UBQLN1: variants seen among roughly 807,000 people sequenced by gnomAD.
UBQLN1 encodes ubiquilin 1, also known as ubiquilin-1.
UBQLN1 carries 13 observed loss-of-function variants against 65.4 expected under a neutral mutation model. The observed-to-expected ratio is 0.20, with a 90% CI of 0.13 to 0.32. The LOEUF (loss-of-function observed/expected upper bound fraction) is 0.32, where lower values mean the gene tolerates loss of function less well. Among genes scored for constraint, UBQLN1 ranks in the 10% least tolerant of loss-of-function variants. The pLI is 1.00. For synonymous variants in UBQLN1, 267 were observed against 247.8 expected, an observed-to-expected ratio of 1.08 and a Z score of -0.73; for missense variants, 561 against 724.0, an observed-to-expected ratio of 0.77 and a Z score of 2.58.
At chr9:83,668,993 G>A (rs1263344629) in intron 7 of UBQLN1, 192 bp downstream of exon 7, 2 of 581,504 alleles carry the variant, frequency 3.4e-6, no homozygotes, top group South Asian at 6.7e-5. Flanking sequence ...AGATAAAGTT[G>A]TTTTAATTAC....
chr9:83,678,100 C>A (rs1204059281), intron 5 of UBQLN1, 139 bp from the exon 6 acceptor site: 3 of 671,912 alleles, frequency 4.5e-6, no homozygotes, highest in Non-Finnish European at 7.3e-6. Flanking sequence ...CGGCTCACTG[C>A]AAGCTCCGCC....
intron 1 of UBQLN1, among the ~76,000 whole-genome samples, chr9:83,696,985 AGG>A (rs1832226421): frequency 1.3e-5 from 2 of 152,196 alleles, no homozygotes; most frequent in African/African-American, 4.8e-5. Context: ...TATGTTGCCC[AGG>A]CTGGCGTGGA....
chr9:83,673,500 A>G (rs1000242262), intron 6 of UBQLN1, among the ~76,000 whole-genome samples: 1 of 144,218 alleles, frequency 6.9e-6, no homozygotes, highest in African/African-American at 2.6e-5. Flanking sequence ...AGCCGTGATC[A>G]TGCTACTGCA....
In UBQLN1 at chr9:83,686,732, T is replaced by C. The variant is rs111920179; in HGVS notation, c.181-577A>G. Among the ~76,000 whole-genome samples, 536 of 152,256 alleles carry C rather than the reference T, an allele frequency of 3.5e-3. 9 individuals are homozygous for C. Among genetic ancestry groups the C allele is most frequent in the Middle Eastern group, 0.01 (3 of 294 alleles). Reference sequence around the variant, plus strand: ...GTATACACAGCCAATCTCATATTCTTGGCCTAGCGGTGGAGTATCTCTAAT... The same window carrying C: ...GTATACACAGCCAATCTCATATTCTCGGCCTAGCGGTGGAGTATCTCTAAT... On this transcript the variant is annotated intron_variant, in intron 1 of 10. Coordinates refer to ENST00000376395, the MANE Select transcript of UBQLN1 (RefSeq NM_013438.5).
intron 8 of UBQLN1, 61 bp downstream of exon 8, chr9:83,666,289 T>C: frequency 6.5e-7 from 1 of 1,528,802 alleles, no homozygotes; most frequent in Non-Finnish European, 9.1e-7. Flanking sequence ...GAAAAATGTT[T>C]ATCATCAAAT....
At chr9:83,690,878 T>C (rs751377892) in intron 1 of UBQLN1, among the ~76,000 whole-genome samples, 3 of 152,080 alleles carry the variant, frequency 2.0e-5, no homozygotes, top group Non-Finnish European at 4.4e-5. Context: ...TGGCTCACGC[T>C]TGTAATCCCA....
chr9:83,691,486 AG>A (rs1368196219), intron 1 of UBQLN1, among the ~76,000 whole-genome samples: 1 of 152,226 alleles, frequency 6.6e-6, no homozygotes, highest in Admixed American at 6.5e-5. Context: ...ATGAGTTGTC[AG>A]TATCAGTACC....
rs75229502 is a variant in UBQLN1, at chr9:83,668,159, A to G, written c.1248+1026T>C. 18,091 of 985,332 alleles carry G rather than the reference A, an allele frequency of 0.018. 2,288 individuals are homozygous for G. In the African/African-American group the frequency reaches 0.28, roughly 15 times the overall value. 61.0% of individuals were successfully genotyped at this position (985,332 alleles called of 1,614,324 possible). A position where few individuals can be genotyped will look rare whatever the true frequency, so the allele number is the denominator to read the frequency against. Reference sequence around the variant, plus strand: ...TCCATAAAATGTACCTCCAATATACAGAATCACAGACACAAAAATTCTTCT... The same window carrying G: ...TCCATAAAATGTACCTCCAATATACGGAATCACAGACACAAAAATTCTTCT... On this transcript the variant is annotated intron_variant, in intron 7 of 10. Coordinates refer to ENST00000376395, the MANE Select transcript of UBQLN1 (RefSeq NM_013438.5).
intron 6 of UBQLN1, among the ~76,000 whole-genome samples, chr9:83,673,562 AAAAAAC>A (rs540746519): frequency 0.26 from 16,889 of 64,150 alleles, 1,321 homozygotes; most frequent in Admixed American, 0.33. Flanking sequence ...AAAAAAAAAA[AAAAAAC>A]AAAAAAAAAA....
intron 6 of UBQLN1, among the ~76,000 whole-genome samples, chr9:83,672,224 T>A (rs1831745818): frequency 1.3e-5 from 2 of 152,218 alleles, no homozygotes; most frequent in South Asian, 4.1e-4. Context: ...ACATCAGCAA[T>A]GAAGTTGTTT....
At chr9:83,694,036 G>A (rs970532578) in intron 1 of UBQLN1, among the ~76,000 whole-genome samples, 1 of 152,146 alleles carries the variant, frequency 6.6e-6, no homozygotes, top group Non-Finnish European at 1.5e-5. Context: ...CTCTGAAAAT[G>A]GAGTTAATCT....
At position 83,681,908 on chromosome 9, in the gene UBQLN1, T is replaced by TCTGAGG. The variant is rs1831946418; in HGVS notation, c.448+1042_448+1043insCCTCAG. Among the ~76,000 whole-genome samples, 5 of 152,192 alleles carry TCTGAGG rather than the reference T, an allele frequency of 3.3e-5. No homozygotes were observed. In the South Asian group the frequency reaches 1.0e-3, roughly 31 times the overall value. On this transcript the variant is annotated intron_variant, in intron 3 of 10. Transcript: ENST00000376395. The stretch of plus-strand genomic sequence containing the variant: ...GAATGAAAAATGACTTTCATTAGCT[T>TCTGAGG]GAGTCTCTGAGGGACTATATGGATG...
At chr9:83,680,987 G>A (rs1831931072) in intron 3 of UBQLN1, among the ~76,000 whole-genome samples, 1 of 152,176 alleles carries the variant, frequency 6.6e-6, no homozygotes, top group African/African-American at 2.4e-5. Context: ...ATTGGCTGGT[G>A]TCAGAAAAAA....
chr9:83,667,504 A>G (rs1409021854), intron 7 of UBQLN1: 2 of 985,326 alleles, frequency 2.0e-6, no homozygotes, highest in African/African-American at 1.7e-5. Flanking sequence ...GATGTCAGAC[A>G]ACCTTTCAGG....
At chr9:83,703,588 C>T (rs1832347531) in intron 1 of UBQLN1, among the ~76,000 whole-genome samples, 1 of 152,112 alleles carries the variant, frequency 6.6e-6, no homozygotes, top group African/African-American at 2.4e-5. Flanking sequence ...ATAAGGGATA[C>T]TCAAAACCTG....
At chr9:83,687,383 G>A (rs1832056995) in intron 1 of UBQLN1, among the ~76,000 whole-genome samples, 1 of 152,156 alleles carries the variant, frequency 6.6e-6, no homozygotes, top group South Asian at 2.1e-4. Flanking sequence ...TGTCCAAATA[G>A]GAAAGCTTCA....
chr9:83,661,820 A>T lies in UBQLN1; in HGVS notation c.1737T>A (p.Ala579=), dbSNP rs751084193. Residue 579 remains alanine, a synonymous_variant, in exon 11 of 11, where the codon GCT becomes GCA. Coordinates refer to ENST00000376395, the MANE Select transcript of UBQLN1 (RefSeq NM_013438.5). The stretch of plus-strand genomic sequence containing the variant: ...GCTGGGAGCCCAGTAACCTTTCAAT[A>T]GCTGCATTGATATCACCTCCTGTTG... ...LIATGGDINA[A]IERLLGSQPS 1 of 1,613,310 alleles carries T rather than the reference A, an allele frequency of 6.2e-7. No homozygotes were observed. Among genetic ancestry groups the T allele is most frequent in the South Asian group, 1.1e-5 (1 of 90,976 alleles).
intron 1 of UBQLN1, among the ~76,000 whole-genome samples, chr9:83,698,424 T>A (rs566277822): frequency 1.3e-5 from 2 of 152,204 alleles, no homozygotes; most frequent in African/African-American, 4.8e-5. Context: ...TTCAAAGACT[T>A]AGTATTTCAA....
chr9:83,685,926 T>C lies in UBQLN1; in HGVS notation c.332+78A>G. 2.4e-6 allele frequency: 3 copies of C among 1,274,712 alleles called. No homozygotes were observed. In the South Asian group the frequency reaches 4.4e-5, roughly 19 times the overall value. 79.0% of individuals were successfully genotyped at this position (1,274,712 alleles called of 1,614,324 possible). On this transcript the variant is annotated intron_variant, in intron 2 of 10. Coordinates refer to ENST00000376395, the MANE Select transcript of UBQLN1 (RefSeq NM_013438.5). ...AATATTAATGACAGGGAAAGTAATTTACAGCCAACACTAGTTACTTTTAGA... is the reference window on the plus strand; with the variant it reads ...AATATTAATGACAGGGAAAGTAATTCACAGCCAACACTAGTTACTTTTAGA...
Sources: gnomAD v4.1 joint callset for allele counts (sites outside exome capture counted in the v4.1 genomes callset) on GRCh38, gnomAD v4.1.1 for gene constraint, MANE v1.5 for transcripts, NCBI Gene and HGNC (gene_info 2026-07-23, HGNC 2026-07-21) for gene names.